ARHGEF12: variants seen among roughly 807,000 people sequenced by gnomAD.
The protein encoded by ARHGEF12 is Rho guanine nucleotide exchange factor 12, also known as KMT2A/ARHGEF12 fusion protein.
ARHGEF12 carries 66 observed loss-of-function variants against 211.2 expected under a neutral mutation model. The observed-to-expected ratio is 0.31, with a 90% CI of 0.26 to 0.38. The LOEUF (loss-of-function observed/expected upper bound fraction) is 0.38, where lower values mean the gene tolerates loss of function less well. ARHGEF12 is among the 10% of genes least tolerant of loss of function. The pLI is 1.00. For missense variants in ARHGEF12, 1,429 were observed against 1,869.5 expected, an observed-to-expected ratio of 0.76 and a Z score of 4.34; for synonymous variants, 592 against 638.4, an observed-to-expected ratio of 0.93 and a Z score of 1.09.
chr11:120,409,546 T>C, intron 4 of ARHGEF12, 96 bp downstream of exon 4: 1 of 1,263,730 alleles, frequency 7.9e-7, no homozygotes, highest in Non-Finnish European at 1.1e-6. Flanking sequence ...TCTTTTTAAA[T>C]AACTGCAGCC....
intron 36 of ARHGEF12, 90 bp from the exon 37 acceptor site, chr11:120,478,066 T>C: frequency 1.2e-6 from 1 of 854,904 alleles, no homozygotes; most frequent in Non-Finnish European, 1.8e-6. Context: ...TGGATTGTTT[T>C]TTTTTTTTCT....
rs150844125 is a variant in ARHGEF12 at position 120,483,250 on chromosome 11, A to C, written c.4555-1188A>C. Among the ~76,000 whole-genome samples the C allele has an allele frequency of 6.7e-3, 985 of 147,160 alleles. 5 individuals are homozygous for C. The highest frequency in any genetic ancestry group is 0.036 in the Middle Eastern group (10 of 276). Reference sequence around the variant, plus strand: ...CACACCAGGTTTCTACATGTGCTCCATAATAATCTTTTTTTTTTTTTTTTT... The same window carrying C: ...CACACCAGGTTTCTACATGTGCTCCCTAATAATCTTTTTTTTTTTTTTTTT... On this transcript the variant is annotated intron_variant, in intron 39 of 40. Coordinates refer to ENST00000397843, the MANE Select transcript of ARHGEF12 (RefSeq NM_015313.3).
intron 1 of ARHGEF12, among the ~76,000 whole-genome samples, chr11:120,400,275 G>C (rs1565454056): frequency 6.6e-6 from 1 of 151,814 alleles, no homozygotes; most frequent in East Asian, 1.9e-4. Context: ...ATGAGATGAA[G>C]ATTTAAATTC....
intron 37 of ARHGEF12, 55 bp from the exon 38 acceptor site, chr11:120,479,905 C>A: frequency 6.9e-7 from 1 of 1,444,676 alleles, no homozygotes; most frequent in Non-Finnish European, 9.5e-7. Context: ...TTCTTGCAGC[C>A]TGAGGTTATA....
chr11:120,403,994 T>G (rs1944618657), intron 1 of ARHGEF12, among the ~76,000 whole-genome samples: 1 of 152,238 alleles, frequency 6.6e-6, no homozygotes, highest in Non-Finnish European at 1.5e-5. Flanking sequence ...CTTCCTTCCC[T>G]TCTGGGACAG....
intron 1 of ARHGEF12, among the ~76,000 whole-genome samples, chr11:120,383,343 G>A (rs907231982): frequency 8.5e-5 from 13 of 152,080 alleles, no homozygotes; most frequent in Admixed American, 4.6e-4. Flanking sequence ...GAGGGTGTTC[G>A]GGGGAGGGCA....
intron 17 of ARHGEF12, 54 bp downstream of exon 17, chr11:120,446,562 A>G (rs1946053413): frequency 1.4e-6 from 2 of 1,419,006 alleles, no homozygotes; most frequent in East Asian, 4.9e-5. Context: ...TAATTTTTTT[A>G]GTTAAGAAAA....
In ARHGEF12 at chr11:120,480,384, T is replaced by TGTTAACAA; in HGVS notation, c.4192_4193insTTAACAAG (p.Gly1398ValfsTer22). 1 of 1,613,826 alleles carries TGTTAACAA rather than the reference T, an allele frequency of 6.2e-7. No individual in the cohort carries two copies. Among genetic ancestry groups the TGTTAACAA allele is most frequent in the Non-Finnish European group, 8.5e-7 (1 of 1,179,804 alleles). On this transcript the variant is annotated frameshift_variant, in exon 38 of 41. Coordinates refer to ENST00000397843, the MANE Select transcript of ARHGEF12 (RefSeq NM_015313.3). LOFTEE classifies it high-confidence loss of function. ...GTGATGAGAATCCATCAGAAGGTGA[T>TGTTAACAA]GGAGCAGTTAACAAGGAAGAGAAGG... is the stretch of plus-strand genomic sequence containing the variant.
At chr11:120,379,620 GT>G (rs968244574) in intron 1 of ARHGEF12, among the ~76,000 whole-genome samples, 1 of 151,568 alleles carries the variant, frequency 6.6e-6, no homozygotes, top group African/African-American at 2.4e-5. Context: ...GTCATATGCT[GT>G]TTCTGTATCT....
chr11:120,453,815 T>C (rs768634780), intron 22 of ARHGEF12, among the ~76,000 whole-genome samples: 5 of 152,194 alleles, frequency 3.3e-5, no homozygotes, highest in Non-Finnish European at 7.3e-5. Context: ...AGTCTGCTCA[T>C]TGGAACCCTG....
chr11:120,453,723 AAAC>A, intron 22 of ARHGEF12, among the ~76,000 whole-genome samples: 1 of 152,210 alleles, frequency 6.6e-6, no homozygotes, highest in Non-Finnish European at 1.5e-5. Context: ...ATCTCAAGAA[AAAC>A]AACAACAGAG....
intron 11 of ARHGEF12, among the ~76,000 whole-genome samples, chr11:120,434,978 C>T (rs1412111868): frequency 6.6e-6 from 1 of 152,130 alleles, no homozygotes; most frequent in Admixed American, 6.5e-5. Context: ...TAATATGTCT[C>T]TCTCTAAGAG....
At chr11:120,474,658 GTT>G (rs1946975583) in intron 32 of ARHGEF12, 23 bp downstream of exon 32, 1 of 1,576,682 alleles carries the variant, frequency 6.3e-7, no homozygotes, top group Admixed American at 1.9e-5. Flanking sequence ...TTGTCTTTTA[GTT>G]TTGGGGAGAG....
chr11:120,347,165 TTCCTTC>T (rs1942770949), intron 1 of ARHGEF12, among the ~76,000 whole-genome samples: 2 of 70,098 alleles, frequency 2.9e-5, no homozygotes, highest in South Asian at 5.2e-4. Flanking sequence ...CCTTCCTTCC[TTCCTTC>T]CTTCCTTCCT....
chr11:120,369,901 G>A (rs1032730265), intron 1 of ARHGEF12, among the ~76,000 whole-genome samples: 2 of 152,120 alleles, frequency 1.3e-5, no homozygotes, highest in African/African-American at 4.8e-5. Flanking sequence ...GGCTCCCCTG[G>A]GTATTTTCCC....
intron 1 of ARHGEF12, chr11:120,385,166 A>G (rs963025279): frequency 1.7e-5 from 6 of 352,062 alleles, no homozygotes; most frequent in Non-Finnish European, 2.4e-5. Flanking sequence ...TATATTATAT[A>G]TATTTTCCTG....
At chr11:120,484,082 T>C (rs1293238751) in intron 39 of ARHGEF12, among the ~76,000 whole-genome samples, 1 of 152,188 alleles carries the variant, frequency 6.6e-6, no homozygotes, top group Non-Finnish European at 1.5e-5. Context: ...ACCATCATCA[T>C]GTATGCAGGC....
intron 28 of ARHGEF12, 67 bp downstream of exon 28, chr11:120,465,429 G>C (rs1946674619): frequency 6.3e-7 from 1 of 1,583,600 alleles, no homozygotes; most frequent in African/African-American, 1.4e-5. Context: ...GATAAACTGG[G>C]GGAATTCTGA....
intron 1 of ARHGEF12, among the ~76,000 whole-genome samples, chr11:120,368,888 C>T (rs976148164): frequency 1.3e-5 from 2 of 151,994 alleles, no homozygotes; most frequent in Non-Finnish European, 2.9e-5. Context: ...CTCCTTTCAC[C>T]CTCCACCCTC....
Sources: allele counts gnomAD v4.1 joint callset (sites outside exome capture counted in the v4.1 genomes callset), GRCh38; gene constraint gnomAD v4.1.1; transcripts MANE v1.5; gene names NCBI Gene and HGNC (gene_info 2026-07-23, HGNC 2026-07-21).